CNBD2: variants seen among roughly 807,000 people sequenced by gnomAD.
CNBD2 encodes the protein cyclic nucleotide-binding domain-containing protein 2.
CNBD2 carries 64 observed loss-of-function variants against 63.7 expected under a neutral mutation model. The ratio of observed to expected loss-of-function variants is 1.00; its 90% CI spans 0.82 to 1.24. CNBD2 has a LOEUF of 1.24. CNBD2 is among the 50% of genes most tolerant of loss of function. The pLI, the probability that CNBD2 is intolerant of heterozygous loss-of-function variation, is 0.00. For synonymous variants in CNBD2, 229 were observed against 255.4 expected (o/e 0.90, Z 0.99); for missense variants, 691 against 713.5 (o/e 0.97, Z 0.36).
In CNBD2 at chr20:35,980,591, C is replaced by T. The variant is rs763649954; in HGVS notation, c.376C>T (p.Leu126=). ...SYRNYAEPLQ[L]LLAKVMRFER... ...TCGGAACTACGCAGAGCCCCTGCAG[C>T]TGCTCCTGGCCAAAGTCATGCGCTT... Residue 126 remains leucine (L), a synonymous_variant, in exon 4 of 12, where the codon CTG becomes TTG. Transcript: ENST00000373973. The T allele has an allele frequency of 6.2e-7, 1 of 1,613,806 alleles. No individual in the cohort carries two copies. Among genetic ancestry groups the T allele is most frequent in the South Asian group, 1.1e-5 (1 of 91,064 alleles).
chr20:35,974,534 T>C (rs966999458), intron 2 of CNBD2: 1 of 153,992 alleles, frequency 6.5e-6, no homozygotes, highest in Non-Finnish European at 1.5e-5. Flanking sequence ...ATAAGGGTCA[T>C]AGGGTTGTCA....
Position 35,983,936 on chromosome 20 carries a change from T to G in CNBD2, c.408-46T>G, listed in dbSNP as rs1470927959. 4 of 1,612,184 alleles carry G rather than the reference T, an allele frequency of 2.5e-6. No individual in the cohort carries two copies. The Admixed American group carries it at 5.0e-5, about 20-fold the overall frequency. ...TCCAGAGCTCCTCTCAGCTTGGACC[T>G]GCCCCCATGTCACTACCCAATCAAC... On this transcript the variant is annotated intron_variant, in intron 4 of 11. Coordinates refer to ENST00000373973, the MANE Select transcript of CNBD2 (RefSeq NM_001365709.1).
chr20:36,001,344 G>A (rs1484727705), intron 8 of CNBD2, among the ~76,000 whole-genome samples: 6 of 148,042 alleles, frequency 4.1e-5, no homozygotes, highest in African/African-American at 1.0e-4. Flanking sequence ...CCTCCTGGGC[G>A]GGGCGGCTGG....
At chr20:35,972,569 C>CTGT in intron 1 of CNBD2, 60 bp from the exon 2 acceptor site, 1 of 1,541,680 alleles carries the variant, frequency 6.5e-7, no homozygotes. Flanking sequence ...ACCATCCAGC[C>CTGT]TGCTGTTGAC....
At chr20:35,988,912 A>G (rs2056705545) in intron 7 of CNBD2, among the ~76,000 whole-genome samples, 1 of 152,188 alleles carries the variant, frequency 6.6e-6, no homozygotes, top group South Asian at 2.1e-4. Context: ...AGTGAGATTT[A>G]TCATGTTTGT....
At position 35,980,584 on chromosome 20, in the gene CNBD2, C is replaced by G. The variant is rs766935659; in HGVS notation, c.369C>G (p.Pro123=). Residue 123 remains proline, a synonymous_variant, in exon 4 of 12, where the codon CCC becomes CCG. Coordinates refer to ENST00000373973, the MANE Select transcript of CNBD2 (RefSeq NM_001365709.1). ...ATAGCTATCGGAACTACGCAGAGCC[C>G]CTGCAGCTGCTCCTGGCCAAAGTCA... ...VLDSYRNYAE[P]LQLLLAKVMR... The G allele has an allele frequency of 5.6e-6, 9 of 1,613,750 alleles. No homozygotes were observed. Among genetic ancestry groups the G allele is most frequent in the Non-Finnish European group, 7.6e-6 (9 of 1,180,040 alleles).
intron 1 of CNBD2, among the ~76,000 whole-genome samples, chr20:35,971,198 C>T (rs1365833321): frequency 2.0e-5 from 3 of 151,852 alleles, no homozygotes; most frequent in African/African-American, 4.8e-5. Flanking sequence ...CCGCCCGCCT[C>T]GGCCTCCCAA....
intron 10 of CNBD2, among the ~76,000 whole-genome samples, chr20:36,017,394 T>A (rs2057149589): frequency 6.6e-6 from 1 of 152,116 alleles, no homozygotes; most frequent in African/African-American, 2.4e-5. Context: ...TGTGTTATGG[T>A]GGACTGTGCA....
intron 10 of CNBD2, among the ~76,000 whole-genome samples, chr20:36,017,193 G>T (rs1024428536): frequency 2.6e-5 from 4 of 152,156 alleles, no homozygotes; most frequent in Non-Finnish European, 2.9e-5. Context: ...CAGTGTGCGG[G>T]TGCAGAGGTA....
chr20:36,030,693 G>A lies in CNBD2; in HGVS notation c.*45G>A, dbSNP rs763904338. ...TTATTTAGGACAAATAAAGGATGGT[G>A]GATTGGGCGCTGTGCTTTCTGAATG... On this transcript the variant is annotated 3_prime_UTR_variant, in exon 12 of 12. Coordinates refer to ENST00000373973, the MANE Select transcript of CNBD2 (RefSeq NM_001365709.1). 13 of 1,596,418 alleles carry A rather than the reference G, an allele frequency of 8.1e-6. No individual in the cohort carries two copies. The highest frequency in any genetic ancestry group is 1.1e-5 in the Non-Finnish European group (13 of 1,166,704).
chr20:36,012,301 C>CAAA (rs57982520), intron 10 of CNBD2, among the ~76,000 whole-genome samples: 1 of 129,378 alleles, frequency 7.7e-6, no homozygotes, highest in Non-Finnish European at 1.7e-5. Context: ...ACTCCGTCTC[C>CAAA]AAAAAAAAAA....
At chr20:35,980,702 T>A in intron 4 of CNBD2, 80 bp downstream of exon 4, 1 of 1,331,136 alleles carries the variant, frequency 7.5e-7, no homozygotes, top group Non-Finnish European at 1.1e-6. Flanking sequence ...GTGTGGCAGG[T>A]CCTGCCCACC....
chr20:35,958,122 A>G (rs1345034589), downstream of CNBD2, among the ~76,000 whole-genome samples: 1 of 152,192 alleles, frequency 6.6e-6, no homozygotes, highest in Non-Finnish European at 1.5e-5. Context: ...ATCACACTGG[A>G]GAATACGTCT....
At chr20:35,955,612 A>C (rs1029839833), downstream of CNBD2, among the ~76,000 whole-genome samples, 1 of 152,136 alleles carries the variant, frequency 6.6e-6, no homozygotes, top group Non-Finnish European at 1.5e-5. Context: ...GCTATCTCTG[A>C]GCTACTGTTT....
In CNBD2 at chr20:35,995,113, G is replaced by C; in HGVS notation, c.931G>C (p.Glu311Gln). ...SYRRWIWQHL[E>Q]LIDGRPLKTH... ...CCGTAGATGGATCTGGCAGCACCTGGAGCTGATAGATGGCAGACCTCTGAA... is the reference window on the plus strand; with the variant it reads ...CCGTAGATGGATCTGGCAGCACCTGCAGCTGATAGATGGCAGACCTCTGAA... Residue 311 changes from glutamate to glutamine, a missense_variant, in exon 8 of 12, where the codon GAG becomes CAG. Coordinates refer to ENST00000373973, the MANE Select transcript of CNBD2 (RefSeq NM_001365709.1). 6.2e-7 allele frequency: 1 copy of C among 1,614,044 alleles called. No homozygotes were observed. The highest frequency in any genetic ancestry group is 8.5e-7 in the Non-Finnish European group (1 of 1,179,972).
chr20:35,984,851 C>A, intron 6 of CNBD2, 73 bp downstream of exon 6: 2 of 1,488,210 alleles, frequency 1.3e-6, no homozygotes, highest in South Asian at 1.2e-5. Context: ...CTGTCCTAGG[C>A]CTGGTGGGAA....
intron 1 of CNBD2, among the ~76,000 whole-genome samples, chr20:35,970,652 C>A (rs1441013013): frequency 2.0e-5 from 3 of 152,176 alleles, no homozygotes; most frequent in African/African-American, 7.2e-5. Flanking sequence ...CCCACCTTGG[C>A]CTCCCAAAGT....
upstream of CNBD2, among the ~76,000 whole-genome samples, chr20:35,966,331 GTCTT>G (rs958411114): frequency 6.6e-6 from 1 of 152,114 alleles, no homozygotes; most frequent in African/African-American, 2.4e-5. Flanking sequence ...AGTGGCCTTT[GTCTT>G]TCTTCTCAGC....
chr20:35,994,242 T>C (rs1427009432), intron 7 of CNBD2, among the ~76,000 whole-genome samples: 1 of 152,062 alleles, frequency 6.6e-6, no homozygotes, highest in Non-Finnish European at 1.5e-5. Context: ...ATTTTGTATT[T>C]TTAGTAGGGA....
Sources: allele counts gnomAD v4.1 joint callset (sites outside exome capture counted in the v4.1 genomes callset), GRCh38; gene constraint gnomAD v4.1.1; transcripts MANE v1.5; gene names NCBI Gene and HGNC (gene_info 2026-07-23, HGNC 2026-07-21).